Variants in SLC9C2 observed in about 807,000 individuals in gnomAD.
The protein encoded by SLC9C2 is solute carrier family 9 member C2 (putative).
A neutral mutation model predicts 140.2 loss-of-function variants in SLC9C2; 75 were observed. That is an observed-to-expected ratio of 0.53 (90% CI 0.44 to 0.65). SLC9C2 has a LOEUF of 0.65. SLC9C2 is among the 30% of genes least tolerant of loss of function. The pLI is 0.00. For synonymous variants in SLC9C2, 375 were observed against 420.9 expected (o/e 0.89, Z 1.34); for missense variants, 1,074 against 1,331.8 (o/e 0.81, Z 3.01).
In SLC9C2 at chr1:173,587,655, T is replaced by C. The variant is rs1344564526; in HGVS notation, c.523+10A>G. 1 of 1,600,364 alleles carries C rather than the reference T, an allele frequency of 6.2e-7. No individual in the cohort carries two copies. Among genetic ancestry groups the C allele is most frequent in the Non-Finnish European group, 8.5e-7 (1 of 1,172,460 alleles). ...TTTCAAGATAAGAGAGAGAAATAAA[T>C]GTGACATACCAATAGTTTTTAGTGA... On this transcript the variant is annotated intron_variant, in intron 5 of 27. Coordinates refer to ENST00000367714, the MANE Select transcript of SLC9C2 (RefSeq NM_178527.4).
intron 22 of SLC9C2, among the ~76,000 whole-genome samples, chr1:173,520,995 A>G (rs1055094806): frequency 3.9e-5 from 6 of 152,028 alleles, no homozygotes; most frequent in Non-Finnish European, 5.9e-5. Context: ...TCCTCATTCT[A>G]TTTCCTTTAG....
chr1:173,582,276 G>A (rs545421052), intron 6 of SLC9C2, among the ~76,000 whole-genome samples: 1 of 152,200 alleles, frequency 6.6e-6, no homozygotes, highest in African/African-American at 2.4e-5. Context: ...GAGAATAAAT[G>A]GGAAAAACTT....
intron 7 of SLC9C2, among the ~76,000 whole-genome samples, chr1:173,580,688 G>A (rs12039524): frequency 0.14 from 21,359 of 152,178 alleles, 1,804 homozygotes; most frequent in East Asian, 0.32. Context: ...AAAGTGAACC[G>A]TAGAGAGGTT....
intron 13 of SLC9C2, among the ~76,000 whole-genome samples, chr1:173,544,124 A>G (rs573775449): frequency 6.6e-6 from 1 of 152,346 alleles, no homozygotes; most frequent in African/African-American, 2.4e-5. Flanking sequence ...AAGGGCTAAT[A>G]TCAAGAATCT....
In SLC9C2 at chr1:173,536,987, C is replaced by A. The variant is rs745902865; in HGVS notation, c.1610G>T (p.Arg537Leu). ...NNGILEIEAA[R>L]ILIGAAKCYY... Reference sequence around the variant, plus strand: ...GCATTTTGCTGCACCAATTAATATCCGGGCTGCCTCTATTTCAAGAATTCC... The same window carrying A: ...GCATTTTGCTGCACCAATTAATATCAGGGCTGCCTCTATTTCAAGAATTCC... Residue 537 changes from arginine (R) to leucine (L), a missense_variant, in exon 14 of 28, where the codon CGG becomes CTG. Physicochemically the swap from Arg to Leu is moderately radical, Grantham distance 102. Coordinates refer to ENST00000367714, the MANE Select transcript of SLC9C2 (RefSeq NM_178527.4). 4.3e-6 allele frequency: 7 copies of A among 1,613,712 alleles called. No individual in the cohort carries two copies. The highest frequency in any genetic ancestry group is 5.9e-6 in the Non-Finnish European group (7 of 1,179,806).
chr1:173,602,510 G>C (rs757356234), intron 1 of SLC9C2, among the ~76,000 whole-genome samples: 13 of 152,138 alleles, frequency 8.5e-5, no homozygotes, highest in Non-Finnish European at 1.6e-4. Flanking sequence ...ATTAGAAAAA[G>C]GCCCCCTTCC....
intron 23 of SLC9C2, among the ~76,000 whole-genome samples, chr1:173,515,725 T>C (rs1287467948): frequency 2.6e-5 from 4 of 152,324 alleles, no homozygotes; most frequent in Admixed American, 2.6e-4. Flanking sequence ...TGCGATCATG[T>C]ATAGGGGAAG....
chr1:173,556,431 G>A (rs1663706539), intron 10 of SLC9C2, among the ~76,000 whole-genome samples: 1 of 152,162 alleles, frequency 6.6e-6, no homozygotes, highest in East Asian at 1.9e-4. Flanking sequence ...AGAATTTTTC[G>A]AGAAATAAAT....
intron 23 of SLC9C2, among the ~76,000 whole-genome samples, chr1:173,514,087 T>C (rs1219592052): frequency 6.6e-6 from 1 of 152,232 alleles, no homozygotes; most frequent in African/African-American, 2.4e-5. Context: ...AATTCTGTGG[T>C]TGATTTTAGA....
intron 11 of SLC9C2, among the ~76,000 whole-genome samples, chr1:173,554,069 C>G (rs1663502439): frequency 6.6e-6 from 1 of 152,128 alleles, no homozygotes; most frequent in African/African-American, 2.4e-5. Flanking sequence ...TTATAAATGG[C>G]CTGAGATTCC....
chr1:173,515,401 A>G (rs1660345643), intron 23 of SLC9C2, among the ~76,000 whole-genome samples: 1 of 152,106 alleles, frequency 6.6e-6, no homozygotes, highest in Non-Finnish European at 1.5e-5. Context: ...GCCTTATTTC[A>G]GCAAGATGGT....
intron 19 of SLC9C2, among the ~76,000 whole-genome samples, chr1:173,526,026 T>C (rs1256081606): frequency 6.6e-6 from 1 of 152,250 alleles, no homozygotes; most frequent in Non-Finnish European, 1.5e-5. Context: ...GAAATGGTTT[T>C]ACTTTATTTT....
chr1:173,530,065 GAGA>G lies in SLC9C2; in HGVS notation c.2164-14_2164-12del, dbSNP rs1425546786. The G allele has an allele frequency of 3.8e-6, 6 of 1,568,526 alleles. No individual in the cohort carries two copies. Among genetic ancestry groups the G allele is most frequent in the South Asian group, 2.4e-5 (2 of 83,338 alleles). ...TATTGGTACTATTATCTGGAATAAT[GAGA>G]AGAAGAAAAAAAAACCTGTACATTT... On this transcript the variant is annotated splice_polypyrimidine_tract_variant and intron_variant, in intron 17 of 27. Coordinates refer to ENST00000367714, the MANE Select transcript of SLC9C2 (RefSeq NM_178527.4).
chr1:173,534,629 T>G lies in SLC9C2; in HGVS notation c.1829A>C (p.Glu610Ala). The G allele has an allele frequency of 1.1e-5, 17 of 1,552,620 alleles. No homozygotes were observed. Among genetic ancestry groups the G allele is most frequent in the Non-Finnish European group, 1.5e-5 (17 of 1,152,050 alleles). The change falls in exon 16 of 28, where the codon GAA becomes GCA. Residue 610 changes from glutamate (E) to alanine (A), a missense_variant. Glu to Ala is a moderately radical substitution (Grantham distance 107, BLOSUM62 -1). Transcript: ENST00000367714. ...CAAATTTATAATCTGTCCTGTATAT[T>G]CAAATTCTTCAGAAAATACTATGTG... ...IFHIVFSEEF[E>A]YTGQIINLIY...
chr1:173,600,485 A>G (rs1435146583), intron 2 of SLC9C2, among the ~76,000 whole-genome samples: 1 of 151,906 alleles, frequency 6.6e-6, no homozygotes, highest in Non-Finnish European at 1.5e-5. Flanking sequence ...TATAAAATAG[A>G]CTTTGTGTTA....
intron 13 of SLC9C2, among the ~76,000 whole-genome samples, chr1:173,537,286 T>C (rs1662040383): frequency 6.6e-6 from 1 of 152,140 alleles, no homozygotes; most frequent in South Asian, 2.1e-4. Context: ...AATCAAAATG[T>C]ATGCCACTCA....
chr1:173,581,794 A>C, intron 7 of SLC9C2, 53 bp downstream of exon 7: 1 of 1,381,792 alleles, frequency 7.2e-7, no homozygotes, highest in Non-Finnish European at 9.6e-7. Flanking sequence ...AAAAATAAAC[A>C]TGTATAAAAC....
At chr1:173,555,428 T>C (rs997265008) in intron 10 of SLC9C2, 1 of 152,214 alleles carries the variant, frequency 6.6e-6, no homozygotes, top group Non-Finnish European at 1.5e-5. Context: ...GAGGAGTTAA[T>C]AGTAATTTCT....
In SLC9C2 at chr1:173,503,280, T is replaced by A; in HGVS notation, c.3357A>T (p.Gly1119=). 2 of 1,613,662 alleles carry A rather than the reference T, an allele frequency of 1.2e-6. No individual in the cohort carries two copies. The highest frequency in any genetic ancestry group is 1.7e-6 in the Non-Finnish European group (2 of 1,179,720). The change falls in exon 27 of 28, where the codon GGA becomes GGT. Residue 1119 remains glycine (G), a synonymous_variant. Transcript: ENST00000367714. ...VFEQPGKNIN[G]RQKMS The stretch of plus-strand genomic sequence containing the variant: ...AAGTTTATTACCTCATCTTTTGTCT[T>A]CCATTTATATTCTTTCCTGGTTGTT...
Sources: gnomAD v4.1 joint callset for allele counts (sites outside exome capture counted in the v4.1 genomes callset) on GRCh38, gnomAD v4.1.1 for gene constraint, MANE v1.5 for transcripts, NCBI Gene and HGNC (gene_info 2026-07-23, HGNC 2026-07-21) for gene names.